SPTBN1: variants seen among roughly 807,000 people sequenced by gnomAD.
SPTBN1 encodes spectrin beta chain, non-erythrocytic 1.
In SPTBN1, 32 loss-of-function variants were observed where a neutral mutation model predicts 266.4. That is an observed-to-expected ratio of 0.12 (90% CI 0.09 to 0.16). SPTBN1 has a LOEUF of 0.16. Ranked by LOEUF, SPTBN1 falls within the 10% of genes least tolerant of loss-of-function variation. SPTBN1 has a pLI of 1.00. For missense variants in SPTBN1, 2,296 were observed against 3,067.1 expected (o/e 0.75, Z 5.94); for synonymous variants, 1,336 against 1,162.2 (o/e 1.15, Z -3.04).
At chr2:54,575,918 T>C (rs1214922347) in intron 2 of SPTBN1, among the ~76,000 whole-genome samples, 1 of 152,186 alleles carries the variant, frequency 6.6e-6, no homozygotes, top group African/African-American at 2.4e-5. Flanking sequence ...TAACCTGTAG[T>C]ACGAGAAACA....
chr2:54,596,213 G>T (rs1000530557), intron 2 of SPTBN1, among the ~76,000 whole-genome samples: 1 of 152,146 alleles, frequency 6.6e-6, no homozygotes, highest in Non-Finnish European at 1.5e-5. Context: ...AGACTGTCTG[G>T]CCCATATCCC....
Position 54,645,149 on chromosome 2 carries a change from A to G in SPTBN1, c.4270-80A>G, listed in dbSNP as rs1461696686. On this transcript the variant is annotated intron_variant, in intron 20 of 35. Coordinates refer to ENST00000356805, the MANE Select transcript of SPTBN1 (RefSeq NM_003128.3). This position sits in a 1 kb window ranked among gnomAD's most constrained non-coding sequence, Gnocchi z 4.3. ...TGGCTTTGCGGTGTGGCCAAGTCCC[A>G]GGCCCAGCAGTTCTGCTTAGAGCCA... 4.7e-6 allele frequency: 7 copies of G among 1,500,572 alleles called. No individual in the cohort carries two copies. The African/African-American group carries it at 9.7e-5, about 21-fold the overall frequency. 93.0% of individuals were successfully genotyped at this position (1,500,572 alleles called of 1,614,324 possible).
chr2:54,623,319 G>T (rs536286194), intron 9 of SPTBN1, among the ~76,000 whole-genome samples, 160 bp from the exon 10 acceptor site: 1 of 152,176 alleles, frequency 6.6e-6, no homozygotes. Context: ...CCACGGTTTG[G>T]TATGTTTCAA....
chr2:54,581,329 GA>G (rs1411126966), intron 2 of SPTBN1, among the ~76,000 whole-genome samples: 3 of 152,140 alleles, frequency 2.0e-5, no homozygotes, highest in Non-Finnish European at 4.4e-5. Flanking sequence ...TAGAATTGAG[GA>G]GGAGGGGATG....
chr2:54,655,249 G>A (rs368726919), intron 28 of SPTBN1, 41 bp downstream of exon 28: 2 of 1,603,606 alleles, frequency 1.2e-6, no homozygotes, highest in Non-Finnish European at 1.7e-6. Context: ...CTGGCGTCAA[G>A]ATGTAAAATG....
chr2:54,539,564 G>A (rs1050722740), intron 2 of SPTBN1, among the ~76,000 whole-genome samples: 13 of 152,086 alleles, frequency 8.5e-5, no homozygotes, highest in African/African-American at 2.4e-4. Context: ...TGTTGAGACA[G>A]GGTCTTGCTC....
chr2:54,525,047 G>A (rs763770036), intron 1 of SPTBN1, among the ~76,000 whole-genome samples: 7 of 152,032 alleles, frequency 4.6e-5, no homozygotes, highest in African/African-American at 1.2e-4. Flanking sequence ...TCCTTATTGC[G>A]TTCATTTTTA....
intron 1 of SPTBN1, among the ~76,000 whole-genome samples, chr2:54,481,932 C>T (rs2103940920): frequency 6.6e-6 from 1 of 152,262 alleles, no homozygotes; most frequent in African/African-American, 2.4e-5. Flanking sequence ...TTGCTTCCTC[C>T]TTTTACCTTC....
intron 2 of SPTBN1, among the ~76,000 whole-genome samples, chr2:54,588,713 C>T (rs1330544872): frequency 6.6e-6 from 1 of 152,154 alleles, no homozygotes; most frequent in African/African-American, 2.4e-5. Flanking sequence ...CTGCAGTTCC[C>T]ATCCTGTAGA....
intron 2 of SPTBN1, among the ~76,000 whole-genome samples, chr2:54,537,424 T>G (rs967411433): frequency 8.5e-5 from 13 of 152,280 alleles, no homozygotes; most frequent in African/African-American, 3.1e-4. Flanking sequence ...TCAGAAGAGG[T>G]GTCCCCAAAC....
chr2:54,660,610 A>G, intron 32 of SPTBN1: 1 of 985,508 alleles, frequency 1.0e-6, no homozygotes, highest in Non-Finnish European at 1.2e-6. Flanking sequence ...GATGACAAAA[A>G]AGGGAGTCAG....
chr2:54,490,933 A>C (rs1179318022), intron 1 of SPTBN1, among the ~76,000 whole-genome samples: 1 of 152,212 alleles, frequency 6.6e-6, no homozygotes, highest in Non-Finnish European at 1.5e-5. Flanking sequence ...AGCTGAGGCC[A>C]GGCAAAAACT....
intron 19 of SPTBN1, among the ~76,000 whole-genome samples, chr2:54,644,114 T>A (rs1459130949): frequency 6.6e-6 from 1 of 152,188 alleles, no homozygotes; most frequent in African/African-American, 2.4e-5. Flanking sequence ...GCATGTAACA[T>A]TTATTGCTTA....
chr2:54,476,466 G>A (rs1230581602), intron 1 of SPTBN1, among the ~76,000 whole-genome samples: 4 of 152,120 alleles, frequency 2.6e-5, no homozygotes, highest in African/African-American at 9.7e-5. Context: ...GGCATCTCCT[G>A]GTCAAGTAAA....
Position 54,659,134 on chromosome 2 carries a change from A to G in SPTBN1, c.6244-20A>G. 6.2e-7 allele frequency: 1 copy of G among 1,613,258 alleles called. No homozygotes were observed. The highest frequency in any genetic ancestry group is 8.5e-7 in the Non-Finnish European group (1 of 1,179,310). On this transcript the variant is annotated intron_variant, in intron 30 of 35. Coordinates refer to ENST00000356805, the MANE Select transcript of SPTBN1 (RefSeq NM_003128.3). ...GGCAGAGTTTGGGACTCTACCAAAC[A>G]TCACTCTATTTTCTCTTAGTTGGAG... is the stretch of plus-strand genomic sequence containing the variant.
At chr2:54,633,924 A>C (rs2103961294) in intron 17 of SPTBN1, among the ~76,000 whole-genome samples, 1 of 152,166 alleles carries the variant, frequency 6.6e-6, no homozygotes, top group East Asian at 1.9e-4. Context: ...GTATTGTGGA[A>C]TAGAGAATAA....
At chr2:54,486,446 T>C (rs1024119032) in intron 1 of SPTBN1, among the ~76,000 whole-genome samples, 4 of 152,294 alleles carry the variant, frequency 2.6e-5, no homozygotes, top group Non-Finnish European at 5.9e-5. Flanking sequence ...CTCTGAACCA[T>C]GTGCTGTGTC....
intron 1 of SPTBN1, among the ~76,000 whole-genome samples, chr2:54,459,874 G>A (rs1693269856): frequency 6.6e-6 from 1 of 152,074 alleles, no homozygotes; most frequent in African/African-American, 2.4e-5. Context: ...CTTTGCAAAA[G>A]ACCTAGTTTA....
chr2:54,531,939 T>C (rs944758880), intron 2 of SPTBN1, among the ~76,000 whole-genome samples: 1 of 152,082 alleles, frequency 6.6e-6, no homozygotes, highest in African/African-American at 2.4e-5. Flanking sequence ...AGTTGAATGA[T>C]AAGAAACCTC....
Sources: allele counts gnomAD v4.1 joint callset (sites outside exome capture counted in the v4.1 genomes callset), GRCh38; gene constraint gnomAD v4.1.1; non-coding constraint Gnocchi (gnomAD v3.1); transcripts MANE v1.5; gene names NCBI Gene and HGNC (gene_info 2026-07-23, HGNC 2026-07-21).